SRCIN1: variants seen among roughly 807,000 people sequenced by gnomAD.
The protein encoded by SRCIN1 is SRC kinase signaling inhibitor 1, also known as P130Cas-associated protein.
Under a neutral mutation model 116.2 loss-of-function variants are expected in SRCIN1, and 50 were observed. The ratio of observed to expected loss-of-function variants is 0.43; its 90% CI spans 0.34 to 0.54. The LOEUF is 0.54. Ranked by LOEUF, SRCIN1 falls within the 20% of genes least tolerant of loss-of-function variation. The pLI, the probability that SRCIN1 is intolerant of heterozygous loss-of-function variation, is 0.02. For synonymous variants in SRCIN1, 736 were observed against 750.0 expected, an observed-to-expected ratio of 0.98 and a Z score of 0.30; for missense variants, 1,446 against 1,672.0, an observed-to-expected ratio of 0.86 and a Z score of 2.36.
chr17:38,551,453 A>T (rs1905402994), intron 14 of SRCIN1, 64 bp from the exon 15 acceptor site: 1 of 1,403,736 alleles, frequency 7.1e-7, no homozygotes, highest in African/African-American at 1.4e-5. Flanking sequence ...CTGGGGCCTC[A>T]GCCTCCTCCC....
At position 38,563,018 on chromosome 17, in the gene SRCIN1, A is replaced by AG; in HGVS notation, c.741-99dup. ...AGGCCTAGAGAAGAGGGGTGGCCAG[A>AG]GGCACCGGGAGCCCCATCTCAGGCT... On this transcript the variant is annotated intron_variant, in intron 5 of 18. Transcript: ENST00000617146. This position sits in a 1 kb window ranked among gnomAD's most constrained non-coding sequence, Gnocchi z 5.8. 9.7e-7 allele frequency: 1 copy of AG among 1,033,358 alleles called. No individual in the cohort carries two copies. The highest frequency in any genetic ancestry group is 1.5e-6 in the Non-Finnish European group (1 of 688,404). 64.0% of individuals were successfully genotyped at this position (1,033,358 alleles called of 1,614,324 possible).
At chr17:38,592,502 G>A (rs1055384657) in intron 1 of SRCIN1, among the ~76,000 whole-genome samples, 1 of 152,230 alleles carries the variant, frequency 6.6e-6, no homozygotes, top group African/African-American at 2.4e-5. Flanking sequence ...AGAACAGGCA[G>A]AAGGACACAG....
At chr17:38,533,936 C>T (rs1349065856) in intron 18 of SRCIN1, among the ~76,000 whole-genome samples, 1 of 152,014 alleles carries the variant, frequency 6.6e-6, no homozygotes, top group Non-Finnish European at 1.5e-5. Flanking sequence ...GGCTTATCCT[C>T]CCAGGGGGGA....
At chr17:38,535,209 CTTTTT>C (rs71138630) in intron 18 of SRCIN1, among the ~76,000 whole-genome samples, 4 of 128,932 alleles carry the variant, frequency 3.1e-5, no homozygotes, top group African/African-American at 1.2e-4. Flanking sequence ...CTTTTTCTTT[CTTTTT>C]TTTTTTTTTT....
intron 11 of SRCIN1, among the ~76,000 whole-genome samples, chr17:38,555,267 G>A (rs906463752): frequency 2.0e-5 from 3 of 152,228 alleles, no homozygotes; most frequent in Admixed American, 2.0e-4. Flanking sequence ...TGGAAGATGA[G>A]TGGAAGGGAT....
Position 38,602,601 on chromosome 17 carries a change from C to G in SRCIN1, c.22+3083G>C, listed in dbSNP as rs1373100209. 6.6e-6 allele frequency: 1 copy of G among 152,226 alleles called. No individual in the cohort carries two copies. The highest frequency in any genetic ancestry group is 1.5e-5 in the Non-Finnish European group (1 of 68,046). The allele number at this position is 152,226 out of a possible 1,614,324, so 9.4% of individuals were successfully genotyped here. A position where few individuals can be genotyped will look rare whatever the true frequency, so the allele number is the denominator to read the frequency against. On this transcript the variant is annotated intron_variant, in intron 1 of 18. Coordinates refer to ENST00000617146, the MANE Select transcript of SRCIN1 (RefSeq NM_025248.3). This position sits in a 1 kb window ranked among gnomAD's most constrained non-coding sequence, Gnocchi z 4.2. ...AAAGCTAGACCTAAGTCTGCTGGGC[C>G]TCTGAGGCAGTCTGTGTCCCTCTCT...
Position 38,604,643 on chromosome 17 carries a change from C to G in SRCIN1, c.22+1041G>C. On this transcript the variant is annotated intron_variant, in intron 1 of 18. Transcript: ENST00000617146. The surrounding 1 kb of genome is among the most constrained non-coding windows in gnomAD (Gnocchi z 4.3). Reference sequence around the variant, plus strand: ...TGGGGGACGAGCACCAGCAGCCGCACACGCCCCGCCGGGCCCTGACAGCTG... The same window carrying G: ...TGGGGGACGAGCACCAGCAGCCGCAGACGCCCCGCCGGGCCCTGACAGCTG... 2.4e-6 allele frequency: 1 copy of G among 412,168 alleles called. No homozygotes were observed. Among genetic ancestry groups the G allele is most frequent in the African/African-American group, 2.1e-5 (1 of 47,986 alleles). 25.5% of individuals were successfully genotyped at this position (412,168 alleles called of 1,614,324 possible). A position where few individuals can be genotyped will look rare whatever the true frequency, so the allele number is the denominator to read the frequency against.
chr17:38,548,508 G>A, intron 17 of SRCIN1, 49 bp downstream of exon 17: 1 of 1,599,648 alleles, frequency 6.3e-7, no homozygotes, highest in Non-Finnish European at 8.5e-7. Flanking sequence ...AGCCTGGGAG[G>A]GAAGGGGGCC....
chr17:38,566,459 A>G (rs1358474201), intron 3 of SRCIN1, among the ~76,000 whole-genome samples: 1 of 152,132 alleles, frequency 6.6e-6, no homozygotes, highest in Admixed American at 6.5e-5. Flanking sequence ...ACCATAAGGG[A>G]GATGGCAGAA....
intron 18 of SRCIN1, among the ~76,000 whole-genome samples, chr17:38,539,845 A>AC (rs1445627090): frequency 2.0e-5 from 3 of 151,616 alleles, no homozygotes; most frequent in African/African-American, 4.9e-5. Flanking sequence ...ACATGGTGAA[A>AC]CCCCACCTCT....
intron 15 of SRCIN1, among the ~76,000 whole-genome samples, chr17:38,550,904 C>T (rs1382201002): frequency 6.6e-6 from 1 of 152,274 alleles, no homozygotes. Flanking sequence ...TCTGCCTGGA[C>T]TTGCTCCCTG....
intron 14 of SRCIN1, 175 bp downstream of exon 14, chr17:38,551,711 G>C: frequency 1.0e-6 from 1 of 985,812 alleles, no homozygotes; most frequent in Non-Finnish European, 1.5e-6. Flanking sequence ...TACGCTTTCT[G>C]TCTAGGAGGG....
chr17:38,556,106 A>G (rs1230783593), intron 11 of SRCIN1, among the ~76,000 whole-genome samples: 2 of 152,210 alleles, frequency 1.3e-5, no homozygotes, highest in African/African-American at 2.4e-5. Context: ...TAGGCTTTCC[A>G]AGCCCAGGTT....
chr17:38,578,449 G>T, intron 2 of SRCIN1, 41 bp downstream of exon 2: 1 of 1,531,548 alleles, frequency 6.5e-7, no homozygotes, highest in Non-Finnish European at 8.8e-7. Context: ...CTGCCCGCTG[G>T]CCGCGGCCGC....
At chr17:38,574,768 G>A in intron 2 of SRCIN1, 1 of 399,322 alleles carries the variant, frequency 2.5e-6, no homozygotes, top group Non-Finnish European at 4.4e-6. Flanking sequence ...AAAGAGAAAA[G>A]GTTGCAAAAT....
At chr17:38,584,756 T>C (rs571050181) in intron 1 of SRCIN1, among the ~76,000 whole-genome samples, 29 of 152,338 alleles carry the variant, frequency 1.9e-4, no homozygotes, top group Non-Finnish European at 3.4e-4. Flanking sequence ...CTGGCATCTT[T>C]ACCCCGGATG....
intron 2 of SRCIN1, among the ~76,000 whole-genome samples, chr17:38,571,087 G>C (rs1907050722): frequency 6.6e-6 from 1 of 152,192 alleles, no homozygotes; most frequent in Non-Finnish European, 1.5e-5. Flanking sequence ...AGAAACTGTG[G>C]TGGGGGAGGC....
chr17:38,545,920 A>G (rs902110220), intron 17 of SRCIN1, among the ~76,000 whole-genome samples: 3 of 152,224 alleles, frequency 2.0e-5, no homozygotes, highest in Admixed American at 6.5e-5. Flanking sequence ...GGGCAGAGAC[A>G]ACATGTCAGC....
At chr17:38,577,187 A>G (rs932501746) in intron 2 of SRCIN1, among the ~76,000 whole-genome samples, 2 of 152,126 alleles carry the variant, frequency 1.3e-5, no homozygotes, top group Non-Finnish European at 2.9e-5. Context: ...AGGCCTGCCT[A>G]TGATCTTCCC....
Sources: allele counts gnomAD v4.1 joint callset (sites outside exome capture counted in the v4.1 genomes callset), GRCh38; gene constraint gnomAD v4.1.1; non-coding constraint Gnocchi (gnomAD v3.1); transcripts MANE v1.5; gene names NCBI Gene and HGNC (gene_info 2026-07-23, HGNC 2026-07-21).